SPMIP3: variants seen among roughly 807,000 people sequenced by gnomAD.
SPMIP3 encodes protein SPMIP3.
the SPMIP3 span, among the ~76,000 whole-genome samples, chr1:244,353,877 C>T: frequency 6.6e-6 from 1 of 152,130 alleles, no homozygotes; most frequent in Non-Finnish European, 1.5e-5. Context: ...CCTCTCATCG[C>T]ACAGGCTCAG....
At chr1:244,360,878 C>T in the SPMIP3 span, among the ~76,000 whole-genome samples, 20 of 81,766 alleles carry the variant, frequency 2.4e-4, no homozygotes, top group African/African-American at 6.3e-4. Context: ...AGTGAGACTC[C>T]GTCTCAAAAA....
chr1:244,360,821 T>C, the SPMIP3 span, among the ~76,000 whole-genome samples: 1 of 150,814 alleles, frequency 6.6e-6, no homozygotes, highest in African/African-American at 2.4e-5. Flanking sequence ...GAGGCGGAGA[T>C]TGCAGTGAGC....
the SPMIP3 span, among the ~76,000 whole-genome samples, chr1:244,360,563 TGC>T: frequency 4.8e-5 from 1 of 20,678 alleles, no homozygotes; most frequent in African/African-American, 1.2e-4. Flanking sequence ...CACACATGCA[TGC>T]ATGGAATATT....
chr1:244,367,849 G>A, the SPMIP3 span, among the ~76,000 whole-genome samples: 5 of 152,188 alleles, frequency 3.3e-5, no homozygotes, highest in East Asian at 1.9e-4. Flanking sequence ...AAGAGCAAAC[G>A]CTGTGGGGAG....
At chr1:244,373,919 T>A in the SPMIP3 span, among the ~76,000 whole-genome samples, 5 of 151,966 alleles carry the variant, frequency 3.3e-5, no homozygotes, top group South Asian at 1.0e-3. Flanking sequence ...TTTGAGACCA[T>A]CCTAGCCACC....
the SPMIP3 span, among the ~76,000 whole-genome samples, chr1:244,382,237 T>C: frequency 6.6e-6 from 1 of 150,726 alleles, no homozygotes; most frequent in African/African-American, 2.4e-5. Context: ...TTTCAAATCA[T>C]AGATTGTGGT....
At chr1:244,364,601 A>G in the SPMIP3 span, 4 of 1,124,364 alleles carry the variant, frequency 3.6e-6, no homozygotes, top group South Asian at 1.3e-5. Context: ...ATTTCTTTCA[A>G]GATGGACTTT....
chr1:244,374,653 G>A, the SPMIP3 span, among the ~76,000 whole-genome samples: 1 of 126,550 alleles, frequency 7.9e-6, no homozygotes, highest in African/African-American at 3.0e-5. Context: ...CTGGAGTGCA[G>A]TGGCACAATC....
At chr1:244,361,781 C>A in the SPMIP3 span, among the ~76,000 whole-genome samples, 1 of 152,146 alleles carries the variant, frequency 6.6e-6, no homozygotes, top group Non-Finnish European at 1.5e-5. Flanking sequence ...AAGACTGATT[C>A]AGAATTTCTA....
the SPMIP3 span, chr1:244,364,884 T>C: frequency 9.9e-7 from 1 of 1,006,618 alleles, no homozygotes; most frequent in Non-Finnish European, 1.5e-6. Context: ...AGGGAAGCTC[T>C]TTGGATATTT....
chr1:244,375,178 C>T, the SPMIP3 span: 1 of 439,490 alleles, frequency 2.3e-6, no homozygotes, highest in Non-Finnish European at 4.1e-6. Context: ...CCCATACACT[C>T]AGCTATGGTA....
the SPMIP3 span, among the ~76,000 whole-genome samples, chr1:244,367,284 T>C: frequency 2.6e-5 from 4 of 152,302 alleles, no homozygotes; most frequent in East Asian, 1.9e-4. Flanking sequence ...AAGGGTTTTA[T>C]GCAATGGAGG....
chr1:244,382,277 G>T, the SPMIP3 span, among the ~76,000 whole-genome samples: 1 of 152,028 alleles, frequency 6.6e-6, no homozygotes, highest in African/African-American at 2.4e-5. Context: ...GCAGGGAGAT[G>T]AGGATAGCTA....
At chr1:244,382,955 A>T in the SPMIP3 span, among the ~76,000 whole-genome samples, 1 of 152,026 alleles carries the variant, frequency 6.6e-6, no homozygotes, top group Non-Finnish European at 1.5e-5. Context: ...TCTCAGGCAG[A>T]CCACTGAGAA....
chr1:244,387,327 C>T, the SPMIP3 span, among the ~76,000 whole-genome samples: 1 of 151,900 alleles, frequency 6.6e-6, no homozygotes, highest in Non-Finnish European at 1.5e-5. Context: ...TGTTACAATG[C>T]TTTTGAAACA....
the SPMIP3 span, among the ~76,000 whole-genome samples, chr1:244,358,932 T>C: frequency 1.3e-5 from 2 of 152,166 alleles, no homozygotes; most frequent in African/African-American, 2.4e-5. Flanking sequence ...ATGAAAGTTA[T>C]GTTGTTCCTG....
the SPMIP3 span, among the ~76,000 whole-genome samples, chr1:244,387,887 A>G: frequency 4.6e-5 from 7 of 151,952 alleles, no homozygotes; most frequent in Non-Finnish European, 1.0e-4. Context: ...AAGTAACACA[A>G]AAGAATGGAT....
the SPMIP3 span, chr1:244,376,354 T>A: frequency 2.6e-5 from 4 of 152,234 alleles, no homozygotes; most frequent in Non-Finnish European, 5.9e-5. Context: ...CTAAGTGTGA[T>A]GAGTTCACAG....
the SPMIP3 span, among the ~76,000 whole-genome samples, chr1:244,354,616 C>T: frequency 6.6e-6 from 1 of 152,180 alleles, no homozygotes; most frequent in African/African-American, 2.4e-5. Context: ...CTGCCTTGGC[C>T]TTCCAAAGTG....
Sources: gnomAD v4.1 joint callset for allele counts (sites outside exome capture counted in the v4.1 genomes callset) on GRCh38, gnomAD v4.1.1 for gene constraint, MANE v1.5 for transcripts, NCBI Gene and HGNC (gene_info 2026-07-23, HGNC 2026-07-21) for gene names.